Variants in MIS18A observed in about 807,000 individuals in gnomAD.
MIS18A encodes MIS18 kinetochore protein A.
MIS18A carries 14 observed loss-of-function variants against 25.0 expected under a neutral mutation model. The ratio of observed to expected loss-of-function variants is 0.56; its 90% CI spans 0.37 to 0.88. MIS18A has a LOEUF of 0.88. Among genes scored for constraint, MIS18A ranks in the 40% least tolerant of loss-of-function variants. MIS18A has a pLI of 0.00. For missense variants in MIS18A, 292 were observed against 290.8 expected, an observed-to-expected ratio of 1.00 and a Z score of -0.03; for synonymous variants, 134 against 118.6, an observed-to-expected ratio of 1.13 and a Z score of -0.84.
At chr21:32,271,556 G>A (rs2031714688) in intron 2 of MIS18A, among the ~76,000 whole-genome samples, 1 of 152,208 alleles carries the variant, frequency 6.6e-6, no homozygotes, top group South Asian at 2.1e-4. Flanking sequence ...GATGTGATTA[G>A]CTGGATAGTA....
At chr21:32,242,894 TTATC>T in the MIS18A span, among the ~76,000 whole-genome samples, 4 of 152,146 alleles carry the variant, frequency 2.6e-5, no homozygotes, top group African/African-American at 9.7e-5. Flanking sequence ...AGTGAACTAT[TTATC>T]TACCTCCCCA....
chr21:32,274,194 CTTCT>C (rs1442240677), intron 2 of MIS18A, among the ~76,000 whole-genome samples: 19 of 106,236 alleles, frequency 1.8e-4, no homozygotes, highest in South Asian at 6.2e-4. Context: ...ATTTCCTTTT[CTTCT>C]TTTTTTTTTT....
At chr21:32,189,625 C>T in the MIS18A span, among the ~76,000 whole-genome samples, 1 of 152,228 alleles carries the variant, frequency 6.6e-6, no homozygotes, top group Non-Finnish European at 1.5e-5. Flanking sequence ...CCGCACCTTG[C>T]TGTTTCTCCC....
chr21:32,253,410 C>G, the MIS18A span, among the ~76,000 whole-genome samples: 36 of 138,416 alleles, frequency 2.6e-4, no homozygotes, highest in East Asian at 5.8e-3. Context: ...CCCCATTAGG[C>G]CTGCTCCCAA....
the MIS18A span, among the ~76,000 whole-genome samples, chr21:32,232,700 T>A: frequency 4.6e-5 from 7 of 151,286 alleles, no homozygotes; most frequent in Non-Finnish European, 8.8e-5. Flanking sequence ...TTTTAAAGAG[T>A]CAAATGCATA....
chr21:32,262,176 CTG>C, the MIS18A span, among the ~76,000 whole-genome samples: 2 of 152,180 alleles, frequency 1.3e-5, no homozygotes, highest in Non-Finnish European at 2.9e-5. Flanking sequence ...GAAGAGGGTT[CTG>C]TGAGAATGAG....
chr21:32,192,122 T>C, the MIS18A span, among the ~76,000 whole-genome samples: 1 of 152,144 alleles, frequency 6.6e-6, no homozygotes, highest in Admixed American at 6.6e-5. Context: ...TGAGCTTGTA[T>C]CCTCTTTCTG....
At chr21:32,232,088 C>T in the MIS18A span, among the ~76,000 whole-genome samples, 2 of 152,276 alleles carry the variant, frequency 1.3e-5, no homozygotes, top group East Asian at 3.9e-4. Context: ...CATCTGTCAA[C>T]AGATGAATGG....
chr21:32,177,513 C>T, the MIS18A span, among the ~76,000 whole-genome samples: 1 of 152,118 alleles, frequency 6.6e-6, no homozygotes, highest in African/African-American at 2.4e-5. Context: ...ATTATTCCCA[C>T]ACAACATAAT....
the MIS18A span, among the ~76,000 whole-genome samples, chr21:32,242,631 C>T: frequency 6.6e-6 from 1 of 152,124 alleles, no homozygotes; most frequent in Non-Finnish European, 1.5e-5. Flanking sequence ...TGAATGTAGA[C>T]AGTATTTAGC....
the MIS18A span, among the ~76,000 whole-genome samples, chr21:32,157,223 A>ATTTTTTCTTTT: frequency 2.8e-5 from 2 of 72,334 alleles, no homozygotes; most frequent in African/African-American, 1.4e-4. Flanking sequence ...TACCCGGCTA[A>ATTTTTTCTTTT]TTTTTTTTTT....
chr21:32,161,040 C>A, the MIS18A span, among the ~76,000 whole-genome samples: 2 of 152,292 alleles, frequency 1.3e-5, no homozygotes, highest in Admixed American at 1.3e-4. Flanking sequence ...GGCAGGTTTG[C>A]CCTAAGCAGT....
At chr21:32,182,295 T>A in the MIS18A span, among the ~76,000 whole-genome samples, 1 of 152,338 alleles carries the variant, frequency 6.6e-6, no homozygotes, top group African/African-American at 2.4e-5. Flanking sequence ...AGAGGCACCA[T>A]GCACTTGATT....
downstream of MIS18A, among the ~76,000 whole-genome samples, chr21:32,265,594 C>T (rs377713302): frequency 3.3e-5 from 5 of 152,188 alleles, no homozygotes; most frequent in East Asian, 1.9e-4. Context: ...ACCTGCAGCC[C>T]GCCATGCCTG....
At chr21:32,154,839 G>GAT in the MIS18A span, among the ~76,000 whole-genome samples, 1 of 152,188 alleles carries the variant, frequency 6.6e-6, no homozygotes, top group African/African-American at 2.4e-5. Context: ...TTCTAGGCCA[G>GAT]ATAGGAAGGG....
the MIS18A span, among the ~76,000 whole-genome samples, chr21:32,193,070 C>T: frequency 6.6e-6 from 1 of 152,148 alleles, no homozygotes. Context: ...GGTTCCATGC[C>T]CAGAATCTGC....
At chr21:32,204,610 G>A in the MIS18A span, among the ~76,000 whole-genome samples, 2 of 152,116 alleles carry the variant, frequency 1.3e-5, no homozygotes, top group Non-Finnish European at 2.9e-5. Context: ...GTTGCAACTT[G>A]ACATGTAATT....
At chr21:32,204,325 C>A in the MIS18A span, among the ~76,000 whole-genome samples, 1 of 151,718 alleles carries the variant, frequency 6.6e-6, no homozygotes, top group Non-Finnish European at 1.5e-5. Flanking sequence ...CATGAAACCC[C>A]ATTGCTACTA....
the MIS18A span, among the ~76,000 whole-genome samples, chr21:32,162,184 C>T: frequency 3.3e-5 from 5 of 152,104 alleles, no homozygotes; most frequent in Admixed American, 6.5e-5. Flanking sequence ...CCATTACCAT[C>T]GCAGCGAGCT....
Sources: allele counts gnomAD v4.1 joint callset (sites outside exome capture counted in the v4.1 genomes callset), GRCh38; gene constraint gnomAD v4.1.1; transcripts MANE v1.5; gene names NCBI Gene and HGNC (gene_info 2026-07-23, HGNC 2026-07-21).